Variants in MTBP observed in about 807,000 individuals in gnomAD.
MTBP encodes the protein MDM2 binding protein.
In MTBP, 101 loss-of-function variants were observed where a neutral mutation model predicts 117.0. That is an observed-to-expected ratio of 0.86 (90% CI 0.73 to 1.02). MTBP has a LOEUF of 1.02. Ranked by LOEUF, MTBP falls within the 50% of genes least tolerant of loss-of-function variation. The pLI is 0.00. For synonymous variants in MTBP, 350 were observed against 351.5 expected (o/e 1.00, Z 0.05); for missense variants, 970 against 1,030.9 (o/e 0.94, Z 0.81).
At chr8:120,480,959 ATAT>A (rs1814070894) in intron 11 of MTBP, among the ~76,000 whole-genome samples, 3 of 152,314 alleles carry the variant, frequency 2.0e-5, no homozygotes, top group South Asian at 4.1e-4. Context: ...TGGACAGATA[ATAT>A]TTGAAAAATT....
At chr8:120,509,832 T>C in intron 16 of MTBP, 102 bp from the exon 17 acceptor site, 2 of 727,256 alleles carry the variant, frequency 2.8e-6, no homozygotes, top group Non-Finnish European at 4.5e-6. Flanking sequence ...AAAATTCCAA[T>C]TGTAGAGGAA....
rs376371275 is a variant in MTBP, at chr8:120,445,599, G to C, written c.118+11G>C. ...CTGAGAATCAGCCGGGTAAGCGCTG[G>C]GATGAGAAAGAGCGGGAACGGCTTG... On this transcript the variant is annotated intron_variant, in intron 1 of 21. Transcript: ENST00000305949. 8 of 1,592,862 alleles carry C rather than the reference G, an allele frequency of 5.0e-6. No homozygotes were observed. In the African/African-American group the frequency reaches 9.5e-5, roughly 19 times the overall value.
At position 120,465,714 on chromosome 8, in the gene MTBP, C is replaced by T. The variant is rs140143374; in HGVS notation, c.1047+1953C>T. On this transcript the variant is annotated intron_variant, in intron 10 of 21. Transcript: ENST00000305949. ...TCGCTCTGTCACCCAGGCTGGAGAG[C>T]AGTGGCGCGATCTCAGCTCACCGCA... Among the ~76,000 whole-genome samples the T allele has an allele frequency of 6.8e-3, 891 of 131,058 alleles. 10 individuals are homozygous for T. The highest frequency in any genetic ancestry group is 0.023 in the African/African-American group (813 of 35,988). 86.0% of individuals were successfully genotyped at this position (131,058 alleles called of 152,430 possible).
chr8:120,466,992 G>A (rs956039815), intron 10 of MTBP, among the ~76,000 whole-genome samples: 3 of 152,166 alleles, frequency 2.0e-5, no homozygotes, highest in African/African-American at 4.8e-5. Context: ...GAATAAGATG[G>A]ACAGGCCCTT....
chr8:120,455,418 C>G lies in MTBP; in HGVS notation c.485-17C>G. The G allele has an allele frequency of 1.9e-6, 3 of 1,539,690 alleles. No individual in the cohort carries two copies. The highest frequency in any genetic ancestry group is 2.5e-5 in the South Asian group (2 of 79,174). ...TAACTTTTTAAAAATTACAAAAATG[C>G]CTTTTTCTCTTTCTAGGTAGAGCAA... On this transcript the variant is annotated splice_polypyrimidine_tract_variant and intron_variant, in intron 5 of 21. Transcript: ENST00000305949.
intron 11 of MTBP, among the ~76,000 whole-genome samples, chr8:120,475,768 A>G (rs1218412162): frequency 1.3e-5 from 2 of 152,030 alleles, no homozygotes; most frequent in East Asian, 3.8e-4. Context: ...AAATGCCTAT[A>G]TGTAAAACTT....
intron 11 of MTBP, among the ~76,000 whole-genome samples, chr8:120,476,235 AGGTATTGAT>A (rs1813935627): frequency 6.6e-6 from 1 of 152,134 alleles, no homozygotes; most frequent in African/African-American, 2.4e-5. Context: ...TCAATAAGCT[AGGTATTGAT>A]GGAACATATC....
At chr8:120,508,892 T>C (rs558871995) in intron 16 of MTBP, among the ~76,000 whole-genome samples, 5 of 152,256 alleles carry the variant, frequency 3.3e-5, no homozygotes, top group Non-Finnish European at 7.4e-5. Context: ...ACGGCACCTA[T>C]CGGAATAATC....
At position 120,523,332 on chromosome 8, in the gene MTBP, A is replaced by G; in HGVS notation, c.2711A>G (p.Lys904Arg). 1 of 1,542,546 alleles carries G rather than the reference A, an allele frequency of 6.5e-7. No homozygotes were observed. The highest frequency in any genetic ancestry group is 8.8e-7 in the Non-Finnish European group (1 of 1,132,158). Residue 904 changes from lysine (K) to arginine (R), a missense_variant, in exon 22 of 22, where the codon AAA becomes AGA. Coordinates refer to ENST00000305949, the MANE Select transcript of MTBP (RefSeq NM_022045.5). The part of the protein sequence containing the change: ...IDWVLEKTSK[K>R] ...TGGGTATTAGAAAAGACAAGCAAGA[A>G]ATGATACATAATCATTCTCTTTAAG...
At chr8:120,472,680 C>G (rs1813845459) in intron 11 of MTBP, 1 of 152,146 alleles carries the variant, frequency 6.6e-6, no homozygotes, top group African/African-American at 2.4e-5. Context: ...TGGCTCAGGA[C>G]AAACATATAG....
intron 11 of MTBP, among the ~76,000 whole-genome samples, chr8:120,485,634 AT>A (rs1358979440): frequency 1.3e-5 from 2 of 152,078 alleles, no homozygotes; most frequent in Non-Finnish European, 2.9e-5. Context: ...TCTCACAAGT[AT>A]TTTCTGTCAC....
At chr8:120,464,031 T>C (rs1403099956) in intron 10 of MTBP, among the ~76,000 whole-genome samples, 1 of 152,066 alleles carries the variant, frequency 6.6e-6, no homozygotes, top group African/African-American at 2.4e-5. Context: ...TGCTTTAAAG[T>C]TTTAAAATTT....
In MTBP at chr8:120,453,916, A is replaced by G. The variant is rs772162158; in HGVS notation, c.484+11A>G. The G allele has an allele frequency of 6.6e-6, 10 of 1,517,830 alleles. No homozygotes were observed. Among genetic ancestry groups the G allele is most frequent in the Non-Finnish European group, 8.1e-6 (9 of 1,110,562 alleles). 94.0% of individuals were successfully genotyped at this position (1,517,830 alleles called of 1,614,324 possible). A position where few individuals can be genotyped will look rare whatever the true frequency, so the allele number is the denominator to read the frequency against. On this transcript the variant is annotated intron_variant, in intron 5 of 21. Transcript: ENST00000305949. ...AGCTTCCTGCTCCTGGTAATATTTT[A>G]TGACTGCTTTCAATAATTTGTATCT...
intron 14 of MTBP, among the ~76,000 whole-genome samples, chr8:120,498,995 T>A (rs1814526765): frequency 6.6e-6 from 1 of 152,170 alleles, no homozygotes; most frequent in Admixed American, 6.5e-5. Flanking sequence ...GGAGAGCTCA[T>A]CTTAAAATCA....
At chr8:120,458,770 G>A (rs560494695) in intron 7 of MTBP, among the ~76,000 whole-genome samples, 2 of 151,720 alleles carry the variant, frequency 1.3e-5, no homozygotes, top group African/African-American at 2.4e-5. Flanking sequence ...GAACCCAGGA[G>A]GTGGAGATTG....
chr8:120,514,093 T>C (rs2130617872), intron 17 of MTBP, among the ~76,000 whole-genome samples: 1 of 151,806 alleles, frequency 6.6e-6, no homozygotes, highest in Non-Finnish European at 1.5e-5. Context: ...ATTTTTAATA[T>C]TTAAATATAA....
rs367674647 is a variant in MTBP, at chr8:120,466,279, T to A, written c.1047+2518T>A. Among the ~76,000 whole-genome samples the A allele has an allele frequency of 7.2e-4, 108 of 150,616 alleles. 1 individual carries two copies. Among genetic ancestry groups the A allele is most frequent in the African/African-American group, 2.5e-3 (103 of 41,062 alleles). ...CAGGCTGGAGTGCAATGGTGTGATCTTGGCTCACTGCAACCTCCGTCTCCC... is the reference window on the plus strand; with the variant it reads ...CAGGCTGGAGTGCAATGGTGTGATCATGGCTCACTGCAACCTCCGTCTCCC... On this transcript the variant is annotated intron_variant, in intron 10 of 21. Transcript: ENST00000305949.
chr8:120,451,333 A>G lies in MTBP; in HGVS notation c.425+11A>G. On this transcript the variant is annotated intron_variant, in intron 4 of 21. Coordinates refer to ENST00000305949, the MANE Select transcript of MTBP (RefSeq NM_022045.5). Reference sequence around the variant, plus strand: ...ATTATCCTTGGCTGAGTATGCTTATATGGTTTTTGTATTATCATTAAAATA... The same window carrying G: ...ATTATCCTTGGCTGAGTATGCTTATGTGGTTTTTGTATTATCATTAAAATA... 3 of 1,601,860 alleles carry G rather than the reference A, an allele frequency of 1.9e-6. No individual in the cohort carries two copies. Among genetic ancestry groups the G allele is most frequent in the African/African-American group, 1.3e-5 (1 of 74,782 alleles).
At chr8:120,453,996 T>C in intron 5 of MTBP, 91 bp downstream of exon 5, 1 of 676,228 alleles carries the variant, frequency 1.5e-6, no homozygotes, top group Non-Finnish European at 2.4e-6. Context: ...GTTAGTGTTC[T>C]CACTCTAATC....
Sources: allele counts gnomAD v4.1 joint callset (sites outside exome capture counted in the v4.1 genomes callset), GRCh38; gene constraint gnomAD v4.1.1; transcripts MANE v1.5; gene names NCBI Gene and HGNC (gene_info 2026-07-23, HGNC 2026-07-21).